Variants in USP45 observed in about 807,000 individuals in gnomAD.
USP45 encodes the protein ubiquitin carboxyl-terminal hydrolase 45.
A neutral mutation model predicts 95.8 loss-of-function variants in USP45; 89 were observed. The ratio of observed to expected loss-of-function variants is 0.93; its 90% CI spans 0.78 to 1.11. The LOEUF (loss-of-function observed/expected upper bound fraction) is 1.11, where lower values mean the gene tolerates loss of function less well. USP45 is among the 50% of genes least tolerant of loss of function. The pLI is 0.00. For synonymous variants in USP45, 281 were observed against 316.2 expected (o/e 0.89, Z 1.18); for missense variants, 898 against 942.5 (o/e 0.95, Z 0.62).
intron 13 of USP45, chr6:99,461,275 T>A: frequency 1.0e-6 from 1 of 985,390 alleles, no homozygotes; most frequent in Non-Finnish European, 1.2e-6. Flanking sequence ...GATGGTTTTT[T>A]AAAAAGCTGT....
chr6:99,481,036 T>C (rs116086459), intron 8 of USP45, among the ~76,000 whole-genome samples: 286 of 152,140 alleles, frequency 1.9e-3, no homozygotes, highest in African/African-American at 6.5e-3. Flanking sequence ...AGCCCAGGAA[T>C]TCGACTATGA....
intron 10 of USP45, among the ~76,000 whole-genome samples, chr6:99,467,741 T>G (rs1201707524): frequency 6.6e-6 from 1 of 152,022 alleles, no homozygotes; most frequent in Non-Finnish European, 1.5e-5. Context: ...ACAAGGCATA[T>G]TTGAGCAGCT....
chr6:99,508,789 A>G lies in USP45; in HGVS notation c.101-7T>C. On this transcript the variant is annotated splice_polypyrimidine_tract_variant and splice_region_variant and intron_variant, in intron 2 of 17. Coordinates refer to ENST00000500704, the MANE Select transcript of USP45 (RefSeq NM_001346022.3). The stretch of plus-strand genomic sequence containing the variant: ...TGTTGGCAAGTTAAACCTACTGAAT[A>G]AGATAAAACAAAATCTCAACATTTT... The G allele has an allele frequency of 1.3e-6, 2 of 1,598,546 alleles. No homozygotes were observed. The highest frequency in any genetic ancestry group is 1.7e-6 in the Non-Finnish European group (2 of 1,173,394).
At chr6:99,451,457 G>A (rs1207567850) in intron 13 of USP45, among the ~76,000 whole-genome samples, 2 of 152,074 alleles carry the variant, frequency 1.3e-5, no homozygotes, top group Non-Finnish European at 2.9e-5. Context: ...AAAATACCTA[G>A]GAATCCAACT....
intron 5 of USP45, among the ~76,000 whole-genome samples, chr6:99,492,108 G>T (rs1435433182): frequency 1.3e-5 from 2 of 152,166 alleles, no homozygotes; most frequent in Non-Finnish European, 2.9e-5. Flanking sequence ...CAAAACATCT[G>T]GGATGGCATC....
At position 99,488,307 on chromosome 6, in the gene USP45, CAAAAT is replaced by C. The variant is rs1794443125; in HGVS notation, c.619-17_619-13del. 6.4e-7 allele frequency: 1 copy of C among 1,564,050 alleles called. No individual in the cohort carries two copies. Among genetic ancestry groups the C allele is most frequent in the Admixed American group, 1.8e-5 (1 of 55,966 alleles). On this transcript the variant is annotated splice_polypyrimidine_tract_variant and intron_variant, in intron 6 of 17. Coordinates refer to ENST00000500704, the MANE Select transcript of USP45 (RefSeq NM_001346022.3). ...GTCTGTGCCAAGTTCTAAAAGAAAA[CAAAAT>C]TAAAGTCTTCAGATTCAGTTAAAAT...
intron 5 of USP45, among the ~76,000 whole-genome samples, chr6:99,500,325 A>G (rs552641920): frequency 6.6e-6 from 1 of 152,242 alleles, no homozygotes; most frequent in African/African-American, 2.4e-5. Context: ...GGGTTTCACC[A>G]TGTTGGCCAG....
chr6:99,452,083 GAA>G (rs1783992423), intron 13 of USP45, among the ~76,000 whole-genome samples: 3 of 152,168 alleles, frequency 2.0e-5, no homozygotes, highest in Non-Finnish European at 2.9e-5. Context: ...AACCCTAGAA[GAA>G]AACCTAGGCA....
chr6:99,465,951 A>G (rs1787850488), intron 11 of USP45, among the ~76,000 whole-genome samples: 1 of 152,222 alleles, frequency 6.6e-6, no homozygotes. Context: ...TACGTCATAT[A>G]AACTTTAAAT....
chr6:99,505,383 T>C (rs1230807995), intron 4 of USP45, among the ~76,000 whole-genome samples: 3 of 152,244 alleles, frequency 2.0e-5, no homozygotes, highest in African/African-American at 7.2e-5. Flanking sequence ...TAATGCATTA[T>C]GGCCGGGTGT....
At chr6:99,485,175 CA>C (rs1190400783) in intron 7 of USP45, among the ~76,000 whole-genome samples, 3,056 of 88,684 alleles carry the variant, frequency 0.034, 120 homozygotes, top group African/African-American at 0.11. Context: ...ACTAAAAATA[CA>C]AAAAAAAAAA....
chr6:99,464,737 G>A lies in USP45; in HGVS notation c.1175C>T (p.Pro392Leu), dbSNP rs1787483589. 2 of 1,605,300 alleles carry A rather than the reference G, an allele frequency of 1.2e-6. No individual in the cohort carries two copies. The highest frequency in any genetic ancestry group is 2.2e-5 in the South Asian group (2 of 89,904). Residue 392 changes from proline to leucine, a missense_variant, in exon 13 of 18, where the codon CCT (proline) becomes CTT (leucine). Pro to Leu is a moderately conservative substitution (Grantham distance 98). Transcript: ENST00000500704. ...TTTATTCATTCTTCCCCAAAGTAAA[G>A]GTTTTGAAACCTATGTAAATGCCAC... ...LPIIEERVSK[P>L]LLWGRMNKYR...
intron 5 of USP45, among the ~76,000 whole-genome samples, chr6:99,498,726 T>G (rs890733588): frequency 6.6e-6 from 1 of 152,196 alleles, no homozygotes; most frequent in East Asian, 1.9e-4. Flanking sequence ...TTACTTTCAT[T>G]CACTCTCAAT....
At chr6:99,461,836 CTCTTAT>C (rs1786530561) in intron 13 of USP45, 1 of 982,402 alleles carries the variant, frequency 1.0e-6, no homozygotes, top group Admixed American at 6.2e-5. Context: ...TATCTTTATA[CTCTTAT>C]TAACAGCTTC....
chr6:99,456,885 G>A (rs1785207384), intron 13 of USP45, among the ~76,000 whole-genome samples: 1 of 152,188 alleles, frequency 6.6e-6, no homozygotes, highest in Non-Finnish European at 1.5e-5. Flanking sequence ...TCTTTCAAAA[G>A]CAAATGGGAG....
At chr6:99,468,505 A>C in intron 10 of USP45, 32 bp downstream of exon 10, 1 of 1,386,700 alleles carries the variant, frequency 7.2e-7, no homozygotes, top group Non-Finnish European at 1.0e-6. Flanking sequence ...TATTTTCTTA[A>C]AGAAAAAAGT....
chr6:99,488,794 A>G lies in USP45; in HGVS notation c.505T>C (p.Cys169Arg). The change falls in exon 6 of 18, where the codon TGT (cysteine) becomes CGT (arginine). Residue 169 changes from cysteine (C) to arginine (R), a missense_variant. Physicochemically the swap from Cys to Arg is radical, Grantham distance 180. Coordinates refer to ENST00000500704, the MANE Select transcript of USP45 (RefSeq NM_001346022.3). The stretch of plus-strand genomic sequence containing the variant: ...TCATCTGTTTCACATTTTTCTTCAC[A>G]AAGTTTCATGATTCTAGAAAATGCA... ...TSAFSRIMKL[C>R]EEKCETDEIQ... 1 of 1,596,994 alleles carries G rather than the reference A, an allele frequency of 6.3e-7. No homozygotes were observed.
rs556699435 is a variant in USP45, at chr6:99,472,309, G to A, written c.934-3691C>T. ...CACAGCTCACTGCAACCTCCACCTC[G>A]AGTTCAAGCAACTCTCCTGCCTCAG... On this transcript the variant is annotated intron_variant, in intron 9 of 17. Coordinates refer to ENST00000500704, the MANE Select transcript of USP45 (RefSeq NM_001346022.3). Among the ~76,000 whole-genome samples, 491 of 149,652 alleles carry A rather than the reference G, an allele frequency of 3.3e-3. 1 individual carries two copies. Among genetic ancestry groups the A allele is most frequent in the Non-Finnish European group, 5.7e-3 (387 of 67,740 alleles).
chr6:99,458,693 T>C (rs1409828233), intron 13 of USP45, among the ~76,000 whole-genome samples: 1 of 152,170 alleles, frequency 6.6e-6, no homozygotes, highest in East Asian at 1.9e-4. Context: ...GTACAACTTA[T>C]GTTATGATAG....
Sources: allele counts gnomAD v4.1 joint callset (sites outside exome capture counted in the v4.1 genomes callset), GRCh38; gene constraint gnomAD v4.1.1; transcripts MANE v1.5; gene names NCBI Gene and HGNC (gene_info 2026-07-23, HGNC 2026-07-21).